CHRNA5: variants seen among roughly 807,000 people sequenced by gnomAD.
The protein encoded by CHRNA5 is cholinergic receptor nicotinic alpha 5 subunit.
In CHRNA5, 28 loss-of-function variants were observed where a neutral mutation model predicts 41.2. The observed-to-expected ratio is 0.68, with a 90% CI of 0.50 to 0.93. The LOEUF is 0.93. CHRNA5 is among the 40% of genes least tolerant of loss of function. The pLI, the probability that CHRNA5 is intolerant of heterozygous loss-of-function variation, is 0.00. For synonymous variants in CHRNA5, 188 were observed against 205.8 expected (o/e 0.91, Z 0.74); for missense variants, 481 against 581.9 (o/e 0.83, Z 1.78).
intron 2 of CHRNA5, among the ~76,000 whole-genome samples, chr15:78,582,837 G>GT (rs35413217): frequency 0.033 from 5,089 of 152,282 alleles, 114 homozygotes; most frequent in Non-Finnish European, 0.051. Context: ...GCATACAGGA[G>GT]TGGTCTGACT....
chr15:78,590,026 T>G, exon 5 of CHRNA5: 1 of 1,614,174 alleles, frequency 6.2e-7, no homozygotes, highest in Non-Finnish European at 8.5e-7. Context: ...AAGAGAGATT[T>G]TTTTGATAAT....
chr15:78,581,465 A>T (rs940100061), intron 2 of CHRNA5, among the ~76,000 whole-genome samples: 1 of 152,182 alleles, frequency 6.6e-6, no homozygotes, highest in Non-Finnish European at 1.5e-5. Flanking sequence ...TTGTCAAGAG[A>T]TCCTATCTAT....
rs1458245024 is a variant in CHRNA5, at chr15:78,565,523, T to TG, written c.-196dup. 4.9e-6 allele frequency: 1 copy of TG among 203,796 alleles called. No homozygotes were observed. The highest frequency in any genetic ancestry group is 2.4e-5 in the African/African-American group (1 of 42,516). The allele number at this position is 203,796 out of a possible 1,614,324, so 12.6% of individuals were successfully genotyped here. A position where few individuals can be genotyped will look rare whatever the true frequency, so the allele number is the denominator to read the frequency against. ...GGGCTAGGCGCCGGGAGCTTCCACA[T>TG]GCGTCCCGAGCCCGCCAGAAGCTGC... On this transcript the variant is annotated 5_prime_UTR_variant, in exon 1 of 6. An upstream open reading frame in the 5' UTR loses its in-frame stop. Coordinates refer to ENST00000299565, the Ensembl canonical transcript of CHRNA5.
At chr15:78,589,547 C>A (rs1269154587) in intron 4 of CHRNA5, 1 of 386,274 alleles carries the variant, frequency 2.6e-6, no homozygotes, top group African/African-American at 2.1e-5. Context: ...TCATTAGAAT[C>A]TCAGGCTTCT....
At chr15:78,587,258 G>A (rs1277043098) in intron 3 of CHRNA5, among the ~76,000 whole-genome samples, 3 of 152,156 alleles carry the variant, frequency 2.0e-5, no homozygotes, top group African/African-American at 7.2e-5. Context: ...AAGTTGTATA[G>A]TACCTTAGAA....
At chr15:78,576,278 C>A (rs908098001) in intron 1 of CHRNA5, among the ~76,000 whole-genome samples, 1 of 152,132 alleles carries the variant, frequency 6.6e-6, no homozygotes, top group African/African-American at 2.4e-5. Context: ...TCCCTAGTAG[C>A]TGGGACCACA....
chr15:78,579,786 C>G (rs145087667), intron 1 of CHRNA5, among the ~76,000 whole-genome samples: 1 of 152,164 alleles, frequency 6.6e-6, no homozygotes, highest in Non-Finnish European at 1.5e-5. Context: ...TGAGTAGCAT[C>G]AGTAGATTGG....
At chr15:78,567,313 T>C (rs936917523) in intron 1 of CHRNA5, among the ~76,000 whole-genome samples, 3 of 150,038 alleles carry the variant, frequency 2.0e-5, no homozygotes, top group Non-Finnish European at 4.4e-5. Flanking sequence ...CCTCTCAGAG[T>C]TCTTTTGAGG....
exon 5 of CHRNA5, chr15:78,590,170 C>T (rs983271367): frequency 1.4e-5 from 22 of 1,613,934 alleles, no homozygotes; most frequent in Non-Finnish European, 1.9e-5. Context: ...CTTATAATAC[C>T]CTGTATTGGG....
exon 1 of CHRNA5, chr15:78,565,644 C>G (rs55781567): frequency 0.31 from 120,976 of 386,268 alleles, 20,054 homozygotes; most frequent in Middle Eastern, 0.38. Flanking sequence ...ACTCAGTGCT[C>G]CATTCCCCAA....
At chr15:78,573,825 C>T (rs1416401069) in intron 1 of CHRNA5, among the ~76,000 whole-genome samples, 1 of 150,040 alleles carries the variant, frequency 6.7e-6, no homozygotes, top group Non-Finnish European at 1.5e-5. Context: ...GAGTTTCACT[C>T]TGTCACCCAG....
At chr15:78,589,940 C>A in exon 5 of CHRNA5, 1 of 1,614,180 alleles carries the variant, frequency 6.2e-7, no homozygotes. Flanking sequence ...ACCTTCAGAA[C>A]TGTTCCATGA....
At chr15:78,581,840 TCTA>T (rs1263555448) in intron 2 of CHRNA5, among the ~76,000 whole-genome samples, 1 of 152,226 alleles carries the variant, frequency 6.6e-6, no homozygotes, top group African/African-American at 2.4e-5. Context: ...CTGCTTTTTC[TCTA>T]CTATGACATG....
chr15:78,574,056 G>T (rs1252552024), intron 1 of CHRNA5, among the ~76,000 whole-genome samples: 2 of 142,022 alleles, frequency 1.4e-5, no homozygotes, highest in Non-Finnish European at 3.0e-5. Context: ...CTCGTGATCC[G>T]CCCACCTCGG....
chr15:78,582,083 A>G (rs888324437), intron 2 of CHRNA5, among the ~76,000 whole-genome samples: 2 of 152,186 alleles, frequency 1.3e-5, no homozygotes, highest in East Asian at 1.9e-4. Context: ...GTCTATTGCT[A>G]TGTCATCTAA....
At chr15:78,570,341 C>G (rs186844994) in intron 1 of CHRNA5, among the ~76,000 whole-genome samples, 130 of 151,334 alleles carry the variant, frequency 8.6e-4, no homozygotes, top group Admixed American at 1.7e-3. Flanking sequence ...TCACTGACAC[C>G]TCTGGCTCCT....
At position 78,588,035 on chromosome 15, in the gene CHRNA5, G is replaced by A. The variant is rs1007619717; in HGVS notation, c.304-279G>A. On this transcript the variant is annotated intron_variant, in intron 3 of 5. Coordinates refer to ENST00000299565, the Ensembl canonical transcript of CHRNA5. This position sits in a 1 kb window ranked among gnomAD's most constrained non-coding sequence, Gnocchi z 4.1. ...TAAGTGCCTGTGGCTTCAAGTCCTG[G>A]ATATAGTCAGTCAGTTGATGGGAGA... is the stretch of plus-strand genomic sequence containing the variant. Among the ~76,000 whole-genome samples, 1 of 152,128 alleles carries A rather than the reference G, an allele frequency of 6.6e-6. No individual in the cohort carries two copies. The highest frequency in any genetic ancestry group is 6.5e-5 in the Admixed American group (1 of 15,274).
exon 2 of CHRNA5, chr15:78,580,847 A>T: frequency 6.2e-7 from 1 of 1,613,422 alleles, no homozygotes. Flanking sequence ...AAACATGAAG[A>T]TAGTTTGCTT....
chr15:78,590,572 A>G, exon 5 of CHRNA5: 1 of 1,614,222 alleles, frequency 6.2e-7, no homozygotes, highest in Non-Finnish European at 8.5e-7. Flanking sequence ...AACACATTGG[A>G]AGCTGCGCTC....
Sources: allele counts gnomAD v4.1 joint callset (sites outside exome capture counted in the v4.1 genomes callset), GRCh38; gene constraint gnomAD v4.1.1; non-coding constraint Gnocchi (gnomAD v3.1); transcripts MANE v1.5; gene names NCBI Gene and HGNC (gene_info 2026-07-23, HGNC 2026-07-21).